NCKAP5: variants seen among roughly 807,000 people sequenced by gnomAD.
NCKAP5 encodes nck-associated protein 5.
In NCKAP5, 92 loss-of-function variants were observed where a neutral mutation model predicts 167.0. That is an observed-to-expected ratio of 0.55 (90% confidence interval 0.47 to 0.66). The LOEUF is 0.66. Among genes scored for constraint, NCKAP5 ranks in the 30% least tolerant of loss-of-function variants. The pLI is 0.00. For missense variants in NCKAP5, 2,378 were observed against 2,315.0 expected (o/e 1.03, Z -0.56); for synonymous variants, 891 against 877.4 (o/e 1.02, Z -0.27).
chr2:133,620,096 C>G, the NCKAP5 span, among the ~76,000 whole-genome samples: 1 of 151,824 alleles, frequency 6.6e-6, no homozygotes, highest in African/African-American at 2.4e-5. Context: ...AGATGTAACT[C>G]TTGAAACAAA....
the NCKAP5 span, among the ~76,000 whole-genome samples, chr2:133,661,301 C>G: frequency 6.6e-6 from 1 of 152,130 alleles, no homozygotes; most frequent in Admixed American, 6.5e-5. Flanking sequence ...CTGGAAAACT[C>G]TTAGACACAA....
At chr2:132,864,164 G>A (rs1382120275) in intron 10 of NCKAP5, among the ~76,000 whole-genome samples, 9 of 152,130 alleles carry the variant, frequency 5.9e-5, no homozygotes, top group Non-Finnish European at 1.3e-4. Context: ...GCTCAAGGGA[G>A]AGGCTGTACT....
At position 132,927,676 on chromosome 2, in the gene NCKAP5, G is replaced by A. The variant is rs368019542; in HGVS notation, c.579+36044C>T. 2.1e-4 allele frequency among the ~76,000 whole-genome samples: 32 copies of A among 152,080 alleles called. No homozygotes were observed. The East Asian group carries it at 6.2e-3, about 29-fold the overall frequency. On this transcript the variant is annotated intron_variant, in intron 8 of 19. Transcript: ENST00000409261. ...GACTTGTGGATTTGGTTCTCAGCTT[G>A]TTATTGGTGTATAAAAATGCCACTG...
In NCKAP5 at chr2:132,830,376, GAGTCTAAGGACAGACTGTTGCTTGCAAC is replaced by G. The variant is rs1043746275; in HGVS notation, c.807+30088_807+30115del. 9.4e-4 allele frequency among the ~76,000 whole-genome samples: 141 copies of G among 150,742 alleles called. 1 individual carries two copies. The highest frequency in any genetic ancestry group is 3.3e-3 in the African/African-American group (134 of 40,984). On this transcript the variant is annotated intron_variant, in intron 11 of 19. Coordinates refer to ENST00000409261, the MANE Select transcript of NCKAP5 (RefSeq NM_207363.3). ...CTGGTGTTTCTGGTGATTATGCTCA[GAGTCTAAGGACAGACTGTTGCTTGCAAC>G]AGTCTAAGGACAGTCTGTTTCCCCC...
At chr2:133,415,189 C>T (rs1689031204) in intron 3 of NCKAP5, among the ~76,000 whole-genome samples, 1 of 152,210 alleles carries the variant, frequency 6.6e-6, no homozygotes, top group African/African-American at 2.4e-5. Flanking sequence ...CCATTTGTAC[C>T]ATGTCATGGC....
chr2:132,723,219 C>T (rs1690116015), intron 19 of NCKAP5, among the ~76,000 whole-genome samples: 2 of 145,558 alleles, frequency 1.4e-5, no homozygotes, highest in South Asian at 4.4e-4. Flanking sequence ...GATCTCGGCT[C>T]ACTGCAACCT....
At chr2:133,545,918 T>C (rs1270536841) in intron 2 of NCKAP5, among the ~76,000 whole-genome samples, 1 of 152,126 alleles carries the variant, frequency 6.6e-6, no homozygotes, top group Non-Finnish European at 1.5e-5. Flanking sequence ...ATTGATACCG[T>C]TTGCTAAAAA....
chr2:133,519,984 G>A (rs537369688), intron 2 of NCKAP5, among the ~76,000 whole-genome samples: 82 of 152,026 alleles, frequency 5.4e-4, no homozygotes, highest in South Asian at 2.7e-3. Context: ...TCAAAAGATC[G>A]AGACCATCCT....
At chr2:132,893,365 A>G (rs938389211) in intron 8 of NCKAP5, among the ~76,000 whole-genome samples, 20 of 152,342 alleles carry the variant, frequency 1.3e-4, no homozygotes, top group Admixed American at 3.9e-4. Context: ...ATGGGTTCAC[A>G]GCAGTCTTGT....
At chr2:133,566,865 C>G (rs1173346741) in intron 1 of NCKAP5, among the ~76,000 whole-genome samples, 2 of 152,230 alleles carry the variant, frequency 1.3e-5, no homozygotes, top group Non-Finnish European at 1.5e-5. Context: ...ATACACAAAA[C>G]ATATCTAAGC....
At chr2:132,949,663 T>C (rs2076124560) in intron 8 of NCKAP5, among the ~76,000 whole-genome samples, 1 of 152,236 alleles carries the variant, frequency 6.6e-6, no homozygotes, top group African/African-American at 2.4e-5. Flanking sequence ...CCTAAGCTAC[T>C]GGCTTTGCCA....
At chr2:133,588,268 TCCC>T in the NCKAP5 span, among the ~76,000 whole-genome samples, 1 of 107,646 alleles carries the variant, frequency 9.3e-6, no homozygotes, top group Admixed American at 8.8e-5. Flanking sequence ...TTTTCCTCCC[TCCC>T]TCCCTCCCTC....
intron 6 of NCKAP5, chr2:133,123,895 C>T (rs1184481196): frequency 9.0e-6 from 4 of 446,418 alleles, no homozygotes; most frequent in Non-Finnish European, 1.9e-5. Flanking sequence ...TCCTCTTCAA[C>T]ACACACTTCT....
intron 8 of NCKAP5, among the ~76,000 whole-genome samples, chr2:132,945,276 A>C (rs1697616763): frequency 6.6e-6 from 1 of 151,588 alleles, no homozygotes; most frequent in Admixed American, 6.6e-5. Flanking sequence ...CCCACCTGCT[A>C]AGGTGAGGCG....
chr2:132,904,637 G>A (rs558568255), intron 8 of NCKAP5, among the ~76,000 whole-genome samples: 35 of 152,268 alleles, frequency 2.3e-4, no homozygotes, highest in African/African-American at 5.8e-4. Context: ...AGGAGCATAC[G>A]TGAGAATCAC....
chr2:133,337,676 G>A (rs905738628), intron 3 of NCKAP5, among the ~76,000 whole-genome samples: 2 of 152,162 alleles, frequency 1.3e-5, no homozygotes, highest in Admixed American at 6.5e-5. Context: ...GCAAGAAGGT[G>A]GCCATCTGAA....
intron 3 of NCKAP5, among the ~76,000 whole-genome samples, chr2:133,488,045 C>A (rs972630266): frequency 6.6e-6 from 1 of 152,172 alleles, no homozygotes; most frequent in Non-Finnish European, 1.5e-5. Flanking sequence ...TTGGTATATA[C>A]CTTAATCTCT....
chr2:132,942,068 A>G (rs758264690), intron 8 of NCKAP5, among the ~76,000 whole-genome samples: 17 of 152,212 alleles, frequency 1.1e-4, no homozygotes, highest in Non-Finnish European at 2.4e-4. Context: ...ATAACTTTAT[A>G]TATGTTCATT....
intron 5 of NCKAP5, among the ~76,000 whole-genome samples, chr2:133,188,114 G>A (rs2085033575): frequency 6.6e-6 from 1 of 152,008 alleles, no homozygotes; most frequent in Non-Finnish European, 1.5e-5. Flanking sequence ...GCTGGTACTG[G>A]TTGTTCCTTT....
Sources: gnomAD v4.1 joint callset for allele counts (sites outside exome capture counted in the v4.1 genomes callset) on GRCh38, gnomAD v4.1.1 for gene constraint, MANE v1.5 for transcripts, NCBI Gene and HGNC (gene_info 2026-07-23, HGNC 2026-07-21) for gene names.